CYP2D6: variants seen among roughly 807,000 people sequenced by gnomAD.
CYP2D6 encodes the protein cytochrome P450 2D6.
CYP2D6 carries 51 observed loss-of-function variants against 43.5 expected under a neutral mutation model. The ratio of observed to expected loss-of-function variants is 1.17; its 90% confidence interval spans 0.94 to 1.48. The LOEUF (loss-of-function observed/expected upper bound fraction) is 1.48. Ranked by LOEUF, CYP2D6 falls within the 40% of genes most tolerant of loss-of-function variation. The probability of loss-of-function intolerance (pLI) is 0.00; values close to 1 mark genes in which losing one functional copy is unlikely to be tolerated. For synonymous variants in CYP2D6, 346 were observed against 297.1 expected, an observed-to-expected ratio of 1.16 and a Z score of -1.69; for missense variants, 698 against 688.0, an observed-to-expected ratio of 1.01 and a Z score of -0.16.
intron 7 of CYP2D6, 114 bp downstream of exon 7, chr22:42,127,333 G>A (rs1465645820): frequency 2.4e-6 from 3 of 1,227,492 alleles, no homozygotes; most frequent in Admixed American, 2.0e-5. Flanking sequence ...CAGTGTGGTG[G>A]CATTGAGGAC....
chr22:42,129,699 G>T, intron 2 of CYP2D6, 39 bp downstream of exon 2: 1 of 1,607,204 alleles, frequency 6.2e-7, no homozygotes, highest in Non-Finnish European at 8.5e-7. Context: ...ACCCACCCGG[G>T]TCCCACGGAA....
In CYP2D6 at chr22:42,129,537, G is replaced by A. The variant is rs1413363860; in HGVS notation, c.352+201C>T. On this transcript the variant is annotated intron_variant, in intron 2 of 8. Coordinates refer to ENST00000645361, the MANE Select transcript of CYP2D6 (RefSeq NM_000106.6). Reference sequence around the variant, plus strand: ...ATTGGGCTCCTGCCAGGTCTCGGCAGTGGCCCCGCCCACTCGTCACAAGCC... The same window carrying A: ...ATTGGGCTCCTGCCAGGTCTCGGCAATGGCCCCGCCCACTCGTCACAAGCC... 7 of 792,970 alleles carry A rather than the reference G, an allele frequency of 8.8e-6. No homozygotes were observed. In the Admixed American group the frequency reaches 1.3e-4, roughly 15 times the overall value. The allele number at this position is 792,970 out of a possible 1,614,324, so 49.1% of individuals were successfully genotyped here. A position where few individuals can be genotyped will look rare whatever the true frequency, so the allele number is the denominator to read the frequency against.
rs766700125 is a variant in CYP2D6, at chr22:42,128,316, G to A, written c.701C>T (p.Pro234Leu). Reference sequence around the variant, plus strand: ...GCGTAGGACCTTGCCAGCCAGCGCTGGGATATGCAGGAGGACGGGGACAGC... The same window carrying A: ...GCGTAGGACCTTGCCAGCCAGCGCTAGGATATGCAGGAGGACGGGGACAGC... Reference protein sequence around the residue: ...LNAVPVLLHIPALAGKVLRFQ... With the variant: ...LNAVPVLLHILALAGKVLRFQ... Residue 234 changes from proline (P) to leucine (L), a missense_variant, in exon 5 of 9, where the codon CCA becomes CTA. By Grantham distance (98) the Pro-to-Leu change is moderately conservative (BLOSUM62 -3). This residue lies in a region of CYP2D6 where 588 missense variants were observed against 521.1 expected (regional missense o/e 1.13). Coordinates refer to ENST00000645361, the MANE Select transcript of CYP2D6 (RefSeq NM_000106.6). 11 of 1,610,560 alleles carry A rather than the reference G, an allele frequency of 6.8e-6. No homozygotes were observed. In the East Asian group the frequency reaches 1.3e-4, roughly 20 times the overall value.
chr22:42,128,612 G>A (rs1441894986), intron 4 of CYP2D6, among the ~76,000 whole-genome samples, 172 bp downstream of exon 4: 2 of 150,882 alleles, frequency 1.3e-5, no homozygotes, highest in South Asian at 2.1e-4. Flanking sequence ...CCTCTCCCAC[G>A]ACCATGTCTG....
At chr22:42,129,349 G>T in intron 2 of CYP2D6, 164 bp from the exon 3 acceptor site, 2 of 1,041,224 alleles carry the variant, frequency 1.9e-6, no homozygotes, top group Non-Finnish European at 2.9e-6. Context: ...CTTGGCTGGG[G>T]CAGGGCTTTG....
chr22:42,127,377 G>C (rs1395910474), intron 7 of CYP2D6, 70 bp downstream of exon 7: 2 of 1,346,538 alleles, frequency 1.5e-6, no homozygotes, highest in African/African-American at 2.9e-5. Flanking sequence ...GGGCCCACCT[G>C]GCAGTAGCCA....
At position 42,128,072 on chromosome 22, in the gene CYP2D6, G is replaced by A. The variant is rs934471658; in HGVS notation, c.844-89C>T. On this transcript the variant is annotated intron_variant, in intron 5 of 8. Coordinates refer to ENST00000645361, the MANE Select transcript of CYP2D6 (RefSeq NM_000106.6). The stretch of plus-strand genomic sequence containing the variant: ...GCACCTGTCAGCCCAGATGCGGCTC[G>A]CCGGGTGATGCACTGGTCCAACCTT... The A allele has an allele frequency of 6.0e-5, 96 of 1,590,390 alleles. 3 individuals are homozygous for A. The Middle Eastern group carries it at 1.0e-3, about 17-fold the overall frequency.
At chr22:42,129,692 C>A in intron 2 of CYP2D6, 46 bp downstream of exon 2, 1 of 1,605,162 alleles carries the variant, frequency 6.2e-7, no homozygotes, top group South Asian at 1.1e-5. Context: ...GGTCATCACC[C>A]ACCCGGGTCC....
In CYP2D6 at chr22:42,128,912, T is replaced by C. The variant is rs1931490308; in HGVS notation, c.538A>G (p.Lys180Glu). 3 of 1,594,486 alleles carry C rather than the reference T, an allele frequency of 1.9e-6. No homozygotes were observed. Among genetic ancestry groups the C allele is most frequent in the Non-Finnish European group, 1.7e-6 (2 of 1,170,682 alleles). ...GAGGCGATCACGTTGCTCACGGCTT[T>C]GTCCAAGAGACCGTTGGGGCGAAAG... ...RPFRPNGLLD[K>E]AVSNVIASLT... The change falls in exon 4 of 9, where the codon AAA (lysine) becomes GAA (glutamate). Residue 180 changes from lysine to glutamate, a missense_variant. By Grantham distance (56) the Lys-to-Glu change is moderately conservative (BLOSUM62 1). Transcript: ENST00000645361.
Position 42,127,592 on chromosome 22 carries a change from C to G in CYP2D6, c.1028G>C (p.Arg343Pro). 1.2e-6 allele frequency: 2 copies of G among 1,612,034 alleles called. No individual in the cohort carries two copies. Among genetic ancestry groups the G allele is most frequent in the East Asian group, 2.2e-5 (1 of 44,766 alleles). ...AGCCTGGTCACCCATCTCTGGTCGC[C>G]GCACCTGCCCTATCACGTCGTCGAT... ...QEIDDVIGQVRRPEMGDQAHM... is the reference protein window; with the variant it reads ...QEIDDVIGQVPRPEMGDQAHM... Residue 343 changes from arginine (R) to proline (P), a missense_variant, in exon 7 of 9, where the codon CGG (arginine) becomes CCG (proline). Arg to Pro is a moderately radical substitution (Grantham distance 103). Coordinates refer to ENST00000645361, the MANE Select transcript of CYP2D6 (RefSeq NM_000106.6).
At position 42,129,464 on chromosome 22, in the gene CYP2D6, C is replaced by A. The variant is rs532661124; in HGVS notation, c.352+274G>T. The A allele has an allele frequency of 8.2e-6, 6 of 728,094 alleles. 2 individuals are homozygous for A. The highest frequency in any genetic ancestry group is 7.8e-5 in the South Asian group (5 of 64,266). 45.1% of individuals were successfully genotyped at this position (728,094 alleles called of 1,614,324 possible). On this transcript the variant is annotated intron_variant, in intron 2 of 8. Transcript: ENST00000645361. ...TTACAGCACAGGTGCGGTCCCCGCC[C>A]CCCACTTCGACACCGGATTCCAGCT...
chr22:42,128,084 A>G (rs1931241210), intron 5 of CYP2D6, 90 bp downstream of exon 5: 2 of 1,587,402 alleles, frequency 1.3e-6, no homozygotes, highest in African/African-American at 2.7e-5. Flanking sequence ...CGGGTGATGC[A>G]CTGGTCCAAC....
At position 42,126,668 on chromosome 22, in the gene CYP2D6, G is replaced by A. The variant is rs370012110; in HGVS notation, c.1400C>T (p.Ser467Leu). Residue 467 changes from serine to leucine, a missense_variant, in exon 9 of 9, where the codon TCG becomes TTG. Ser to Leu is a moderately radical substitution (Grantham distance 145). This residue lies in a region of CYP2D6 where 85 missense variants were observed against 81.2 expected (regional missense o/e 1.05). Transcript: ENST00000645361. ...GGGCCGGGGCTGTCCAGTGGGCACC[G>A]AGAAGCTGAAGTGCTGCAGCAGGGA... ...FTSLLQHFSF[S>L]VPTGQPRPSH... 1.9e-5 allele frequency: 31 copies of A among 1,606,994 alleles called. No homozygotes were observed. Among genetic ancestry groups the A allele is most frequent in the African/African-American group, 4.1e-5 (3 of 74,018 alleles).
rs1931470497 is a variant in CYP2D6 at position 42,128,861 on chromosome 22, A to G, written c.589T>C (p.Tyr197His). The change falls in exon 4 of 9, where the codon TAC becomes CAC. Residue 197 changes from tyrosine (Y) to histidine (H), a missense_variant. Transcript: ENST00000645361. ...ASLTCGRRFE[Y>H]DDPRFLRLLD... ...AGCCTGAGGAAGCGAGGGTCGTCGT[A>G]CTCGAAGCGGCGCCCGCAGGTGAGG... 1 of 1,603,584 alleles carries G rather than the reference A, an allele frequency of 6.2e-7. No homozygotes were observed. Among genetic ancestry groups the G allele is most frequent in the Non-Finnish European group, 8.5e-7 (1 of 1,174,786 alleles).
Position 42,127,811 on chromosome 22 carries a change from G to A in CYP2D6, c.985+31C>T, listed in dbSNP as rs143276168. The A allele has an allele frequency of 2.0e-3, 3,210 of 1,608,450 alleles. 104 individuals are homozygous for A. The highest frequency in any genetic ancestry group is 2.5e-3 in the Non-Finnish European group (2,964 of 1,175,832). On this transcript the variant is annotated intron_variant, in intron 6 of 8. Coordinates refer to ENST00000645361, the MANE Select transcript of CYP2D6 (RefSeq NM_000106.6). ...CCCCCGCCTGTACCCTTCCTCCCTC[G>A]GCCCCTGCACTGTTTCCCAGATGGG...
At position 42,127,451 on chromosome 22, in the gene CYP2D6, G is replaced by C; in HGVS notation, c.1169C>G (p.Pro390Arg). Reference protein sequence around the residue: ...RDIEVQGFRIPKGTTLITNLS... With the variant: ...RDIEVQGFRIRKGTTLITNLS... ...TGAGGAGGGCGCCAGGCCTACCTTA[G>C]GGATGCGGAAGCCCTGTACTTCGAT... Residue 390 changes from proline to arginine, a missense_variant, in exon 7 of 9, where the codon CCT (proline) becomes CGT (arginine). Pro to Arg is a moderately radical substitution (Grantham distance 103). This residue lies in a region of CYP2D6 where 16 missense variants were observed against 30.5 expected (regional missense o/e 0.52). Transcript: ENST00000645361. 1 of 1,607,058 alleles carries C rather than the reference G, an allele frequency of 6.2e-7. No homozygotes were observed. The highest frequency in any genetic ancestry group is 8.5e-7 in the Non-Finnish European group (1 of 1,174,536).
At chr22:42,129,427 C>G (rs1305866756) in intron 2 of CYP2D6, 2 of 764,934 alleles carry the variant, frequency 2.6e-6, no homozygotes, top group Admixed American at 4.0e-5. Context: ...CCCCGCGCCA[C>G]CCACACTGAG....
rs1275609294 is a variant in CYP2D6 at position 42,127,567 on chromosome 22, A to C, written c.1053T>G (p.Ala351=). The change falls in exon 7 of 9, where the codon GCT becomes GCG. Residue 351 remains alanine, a synonymous_variant. Transcript: ENST00000645361. ...QVRRPEMGDQ[A]HMPYTTAVIH... ...TCACGGCAGTGGTGTAGGGCATGTG[A>C]GCCTGGTCACCCATCTCTGGTCGCC... 1 of 1,612,216 alleles carries C rather than the reference A, an allele frequency of 6.2e-7. No homozygotes were observed. The highest frequency in any genetic ancestry group is 1.7e-4 in the Middle Eastern group (1 of 6,050).
chr22:42,128,255 C>T lies in CYP2D6; in HGVS notation c.762G>A (p.Leu254=), dbSNP rs2146934540. The T allele has an allele frequency of 6.2e-7, 1 of 1,610,672 alleles. No individual in the cohort carries two copies. The highest frequency in any genetic ancestry group is 1.1e-5 in the South Asian group (1 of 90,858). The part of the protein sequence containing the change: ...QKAFLTQLDE[L]LTEHRMTWDP... ...CCCAGGTCATCCTGTGCTCAGTTAG[C>T]AGCTCATCCAGCTGGGTCAGGAAAG... Residue 254 remains leucine, a synonymous_variant, in exon 5 of 9, where the codon CTG becomes CTA. Transcript: ENST00000645361.
Sources: gnomAD v4.1 joint callset for allele counts (sites outside exome capture counted in the v4.1 genomes callset) on GRCh38, gnomAD v4.1.1 for gene constraint, gnomAD v4.1.1 regional missense constraint, MANE v1.5 for transcripts, NCBI Gene and HGNC (gene_info 2026-07-23, HGNC 2026-07-21) for gene names.